SLC39A9: variants seen among roughly 807,000 people sequenced by gnomAD.
The protein encoded by SLC39A9 is solute carrier family 39 member 9, also known as zinc transporter ZIP9.
A neutral mutation model predicts 28.4 loss-of-function variants in SLC39A9; 14 were observed. That is an observed-to-expected ratio of 0.49 (90% confidence interval 0.33 to 0.77). The LOEUF (loss-of-function observed/expected upper bound fraction) is 0.77. Among genes scored for constraint, SLC39A9 ranks in the 30% least tolerant of loss-of-function variants. The probability of loss-of-function intolerance (pLI) is 0.02; values close to 1 mark genes in which losing one functional copy is unlikely to be tolerated. For synonymous variants in SLC39A9, 119 were observed against 149.6 expected (o/e 0.80, Z 1.49); for missense variants, 283 against 381.1 (o/e 0.74, Z 2.14).
At chr14:69,449,568 T>TA (rs1429932973) in intron 3 of SLC39A9, among the ~76,000 whole-genome samples, 2 of 152,030 alleles carry the variant, frequency 1.3e-5, no homozygotes, top group Non-Finnish European at 2.9e-5. Flanking sequence ...GAGACTGCAG[T>TA]AAGCTATGAT....
rs866675584 is a variant in SLC39A9 at position 69,460,931 on chromosome 14, G to C, written c.*2338G>C. The C allele has an allele frequency of 2.0e-6, 2 of 985,660 alleles. No individual in the cohort carries two copies. The highest frequency in any genetic ancestry group is 2.4e-6 in the Non-Finnish European group (2 of 830,136). 61.1% of individuals were successfully genotyped at this position (985,660 alleles called of 1,614,324 possible). A position where few individuals can be genotyped will look rare whatever the true frequency, so the allele number is the denominator to read the frequency against. On this transcript the variant is annotated 3_prime_UTR_variant, in exon 7 of 7. Transcript: ENST00000336643. The stretch of plus-strand genomic sequence containing the variant: ...TTCAGGCAGCAGGGAACCAAGCAGC[G>C]TGGCACAGGCCTTCTTGACTGGAGG...
At position 69,461,009 on chromosome 14, in the gene SLC39A9, C is replaced by A; in HGVS notation, c.*2416C>A. On this transcript the variant is annotated 3_prime_UTR_variant, in exon 7 of 7. Coordinates refer to ENST00000336643, the MANE Select transcript of SLC39A9 (RefSeq NM_018375.5). ...TTCCAGGAGAGGCCATGTCCGTGTT[C>A]ACTTCTTGGCACATTTCAGTTCCGT... is the stretch of plus-strand genomic sequence containing the variant. 3.0e-6 allele frequency: 3 copies of A among 985,542 alleles called. No homozygotes were observed. The highest frequency in any genetic ancestry group is 3.6e-6 in the Non-Finnish European group (3 of 830,036). 61.0% of individuals were successfully genotyped at this position (985,542 alleles called of 1,614,324 possible).
intron 3 of SLC39A9, among the ~76,000 whole-genome samples, chr14:69,449,167 T>G (rs1411414644): frequency 2.0e-5 from 3 of 152,232 alleles, no homozygotes; most frequent in Non-Finnish European, 4.4e-5. Flanking sequence ...TATTTTTTAA[T>G]AAAATCTTAT....
At chr14:69,404,076 A>G (rs1882786329) in intron 1 of SLC39A9, among the ~76,000 whole-genome samples, 1 of 152,102 alleles carries the variant, frequency 6.6e-6, no homozygotes, top group Non-Finnish European at 1.5e-5. Context: ...CAAAAACAGC[A>G]AAACTGGATG....
chr14:69,431,404 CCT>C (rs1884483148), intron 2 of SLC39A9, among the ~76,000 whole-genome samples: 1 of 148,040 alleles, frequency 6.8e-6, no homozygotes, highest in Non-Finnish European at 1.5e-5. Flanking sequence ...TTCCTATCTG[CCT>C]TTTTTTTTTT....
intron 3 of SLC39A9, among the ~76,000 whole-genome samples, chr14:69,446,034 G>GTTGTTT (rs1278222774): frequency 2.0e-5 from 3 of 151,946 alleles, no homozygotes; most frequent in Non-Finnish European, 4.4e-5. Flanking sequence ...TGTTGTTGTT[G>GTTGTTT]TTGTTGTTGT....
intron 2 of SLC39A9, chr14:69,428,727 A>G (rs1302241373): frequency 1.3e-5 from 2 of 152,546 alleles, no homozygotes; most frequent in African/African-American, 2.4e-5. Context: ...ATTCAAAGCA[A>G]TGGCTACTGA....
chr14:69,420,836 G>A (rs1046229168), intron 1 of SLC39A9, among the ~76,000 whole-genome samples: 4 of 152,136 alleles, frequency 2.6e-5, no homozygotes, highest in Non-Finnish European at 5.9e-5. Flanking sequence ...ATGGTTTTCA[G>A]CTACATCAGG....
intron 1 of SLC39A9, among the ~76,000 whole-genome samples, chr14:69,412,264 C>G (rs933478550): frequency 1.3e-5 from 2 of 151,640 alleles, no homozygotes; most frequent in Non-Finnish European, 2.9e-5. Context: ...TGGCGGGCGC[C>G]TATAGTCCCA....
intron 2 of SLC39A9, among the ~76,000 whole-genome samples, chr14:69,434,463 A>G (rs1041033482): frequency 6.6e-6 from 1 of 151,766 alleles, no homozygotes. Flanking sequence ...AGGCAGCTGG[A>G]TAACTTCAGA....
intron 2 of SLC39A9, among the ~76,000 whole-genome samples, chr14:69,441,198 T>A (rs1046573257): frequency 6.6e-6 from 1 of 152,148 alleles, no homozygotes; most frequent in African/African-American, 2.4e-5. Context: ...GGAGGATTGC[T>A]TGAGCCCGGG....
chr14:69,410,246 T>C (rs1883191636), intron 1 of SLC39A9, among the ~76,000 whole-genome samples: 1 of 152,214 alleles, frequency 6.6e-6, no homozygotes, highest in African/African-American at 2.4e-5. Flanking sequence ...TAAGTAACCT[T>C]GATGTCAAAT....
chr14:69,426,080 G>C (rs2140277198), intron 2 of SLC39A9, among the ~76,000 whole-genome samples: 1 of 152,270 alleles, frequency 6.6e-6, no homozygotes, highest in East Asian at 1.9e-4. Context: ...AAACACAGAA[G>C]AAAAACTTCT....
At position 69,460,689 on chromosome 14, in the gene SLC39A9, C is replaced by T. The variant is rs1886076390; in HGVS notation, c.*2096C>T. The stretch of plus-strand genomic sequence containing the variant: ...GCTAGTATATCTTGCTGGATGGAGC[C>T]TTGAACTCCGGCAAGGATTGAACCA... On this transcript the variant is annotated 3_prime_UTR_variant, in exon 7 of 7. Coordinates refer to ENST00000336643, the MANE Select transcript of SLC39A9 (RefSeq NM_018375.5). 1 of 985,288 alleles carries T rather than the reference C, an allele frequency of 1.0e-6. No homozygotes were observed. Among genetic ancestry groups the T allele is most frequent in the Non-Finnish European group, 1.2e-6 (1 of 829,946 alleles). The allele number at this position is 985,288 out of a possible 1,614,324, so 61.0% of individuals were successfully genotyped here. A position where few individuals can be genotyped will look rare whatever the true frequency, so the allele number is the denominator to read the frequency against.
intron 1 of SLC39A9, among the ~76,000 whole-genome samples, chr14:69,415,470 T>G (rs985690054): frequency 6.6e-6 from 1 of 152,236 alleles, no homozygotes; most frequent in Non-Finnish European, 1.5e-5. Flanking sequence ...TAATTGGTTG[T>G]TTGTCTTTTA....
intron 6 of SLC39A9, among the ~76,000 whole-genome samples, chr14:69,458,107 C>T (rs553012574): frequency 1.3e-5 from 2 of 151,970 alleles, no homozygotes; most frequent in Admixed American, 1.3e-4. Flanking sequence ...CACTTTATAC[C>T]CTATAAATAT....
chr14:69,443,467 A>T (rs1010821285), intron 3 of SLC39A9, among the ~76,000 whole-genome samples: 7 of 152,236 alleles, frequency 4.6e-5, no homozygotes, highest in African/African-American at 1.4e-4. Context: ...AGTGAAAGCG[A>T]TAATTTAAAG....
chr14:69,408,179 A>T (rs1041921609), intron 1 of SLC39A9, among the ~76,000 whole-genome samples: 1 of 151,802 alleles, frequency 6.6e-6, no homozygotes, highest in Non-Finnish European at 1.5e-5. Context: ...CGCCCGGCTA[A>T]TTTTTGTATT....
At chr14:69,432,876 T>TG in intron 2 of SLC39A9, among the ~76,000 whole-genome samples, 1 of 152,332 alleles carries the variant, frequency 6.6e-6, no homozygotes, top group East Asian at 1.9e-4. Context: ...TTCTCTGTTC[T>TG]GTTCCATTGG....
Sources: gnomAD v4.1 joint callset for allele counts (sites outside exome capture counted in the v4.1 genomes callset) on GRCh38, gnomAD v4.1.1 for gene constraint, MANE v1.5 for transcripts, NCBI Gene and HGNC (gene_info 2026-07-23, HGNC 2026-07-21) for gene names.